EYA2: variants seen among roughly 807,000 people sequenced by gnomAD.
EYA2 encodes EYA transcriptional coactivator and phosphatase 2.
A neutral mutation model predicts 69.2 loss-of-function variants in EYA2; 31 were observed. The ratio of observed to expected loss-of-function variants is 0.45; its 90% CI spans 0.34 to 0.60. The LOEUF (loss-of-function observed/expected upper bound fraction) is 0.60, where lower values mean the gene tolerates loss of function less well. Ranked by LOEUF, EYA2 falls within the 20% of genes least tolerant of loss-of-function variation. The pLI is 0.02. For synonymous variants in EYA2, 257 were observed against 279.4 expected (o/e 0.92, Z 0.80); for missense variants, 622 against 701.2 (o/e 0.89, Z 1.28).
At chr20:47,039,835 CTT>C (rs10689930) in intron 5 of EYA2, among the ~76,000 whole-genome samples, 46 of 69,804 alleles carry the variant, frequency 6.6e-4, no homozygotes, top group East Asian at 2.2e-3. Context: ...AGATCAAATA[CTT>C]TTTTTTTTTT....
chr20:47,001,499 C>T, intron 3 of EYA2, 26 bp downstream of exon 3: 2 of 1,611,648 alleles, frequency 1.2e-6, no homozygotes, highest in Non-Finnish European at 1.7e-6. Context: ...TTGTCTCCTG[C>T]TCACATGCCC....
chr20:47,081,211 A>ATGTGGGAAT (rs1491458652), intron 7 of EYA2, among the ~76,000 whole-genome samples: 2 of 152,176 alleles, frequency 1.3e-5, no homozygotes, highest in African/African-American at 4.8e-5. Flanking sequence ...CTCTCATGAC[A>ATGTGGGAAT]TGTGGGAATT....
chr20:46,973,272 C>T (rs886553804), intron 1 of EYA2, among the ~76,000 whole-genome samples: 5 of 152,178 alleles, frequency 3.3e-5, no homozygotes, highest in South Asian at 2.1e-4. Flanking sequence ...AAATACAGAA[C>T]GTGAGATATT....
intron 10 of EYA2, among the ~76,000 whole-genome samples, chr20:47,153,953 C>G (rs1330395063): frequency 6.6e-6 from 1 of 151,992 alleles, no homozygotes; most frequent in African/African-American, 2.4e-5. Context: ...CACTACATAC[C>G]AGGCACTGTT....
intron 9 of EYA2, among the ~76,000 whole-genome samples, chr20:47,097,508 GGTAAA>G (rs1165575247): frequency 1.3e-5 from 2 of 152,298 alleles, no homozygotes; most frequent in African/African-American, 4.8e-5. Flanking sequence ...TAGAAAACGA[GGTAAA>G]GTACTTTTCT....
rs113122372 is a variant in EYA2 at position 46,952,634 on chromosome 20, G to A, written c.-10-37367G>A. On this transcript the variant is annotated intron_variant, in intron 1 of 15. Coordinates refer to ENST00000327619, the MANE Select transcript of EYA2 (RefSeq NM_005244.5). ...AGAGCTCCTGTTTGGTCCAGAGGCC[G>A]CACACAATGGAAAAGTAAAGCCTGG... 2.9e-3 allele frequency among the ~76,000 whole-genome samples: 435 copies of A among 152,236 alleles called. 1 individual carries two copies. Among genetic ancestry groups the A allele is most frequent in the Non-Finnish European group, 4.5e-3 (307 of 68,008 alleles).
chr20:47,126,463 G>A (rs146335175), intron 9 of EYA2, among the ~76,000 whole-genome samples: 233 of 152,272 alleles, frequency 1.5e-3, no homozygotes, highest in Admixed American at 5.4e-3. Flanking sequence ...AGGGCAGAGC[G>A]CAGATTGCAG....
At chr20:47,169,063 G>GCCAA in intron 10 of EYA2, 76 bp from the exon 11 acceptor site, 1 of 1,422,216 alleles carries the variant, frequency 7.0e-7, no homozygotes. Context: ...AGCTTATGAG[G>GCCAA]CCAACCCTTG....
intron 1 of EYA2, among the ~76,000 whole-genome samples, chr20:46,949,526 G>C (rs975008917): frequency 1.1e-4 from 16 of 152,208 alleles, no homozygotes; most frequent in East Asian, 1.9e-4. Flanking sequence ...GCTGGATCAG[G>C]GTTGCTGATG....
intron 1 of EYA2, among the ~76,000 whole-genome samples, chr20:46,903,576 T>A (rs1425625438): frequency 1.3e-5 from 2 of 152,194 alleles, no homozygotes; most frequent in African/African-American, 4.8e-5. Flanking sequence ...CCCTCAGTGT[T>A]AACCTACTCC....
chr20:46,999,990 G>A (rs1280975582), intron 2 of EYA2, among the ~76,000 whole-genome samples: 1 of 152,212 alleles, frequency 6.6e-6, no homozygotes, highest in Non-Finnish European at 1.5e-5. Flanking sequence ...GACAATGACT[G>A]TCATCGTCAG....
At chr20:47,030,117 C>T (rs1984321365) in intron 5 of EYA2, among the ~76,000 whole-genome samples, 1 of 152,202 alleles carries the variant, frequency 6.6e-6, no homozygotes, top group Admixed American at 6.5e-5. Context: ...TTGGATTTGG[C>T]TGAGCTCTGT....
intron 7 of EYA2, among the ~76,000 whole-genome samples, chr20:47,075,750 A>G (rs758724437): frequency 2.0e-5 from 3 of 151,976 alleles, no homozygotes; most frequent in Non-Finnish European, 2.9e-5. Context: ...GGTTTGTTAC[A>G]TGGGTAAATT....
In EYA2 at chr20:47,188,747, G is replaced by A. The variant is rs1024273638; in HGVS notation, c.*614G>A. On this transcript the variant is annotated 3_prime_UTR_variant, in exon 16 of 16. Transcript: ENST00000327619. Reference sequence around the variant, plus strand: ...CATGTGGACAGTGCACGTGCCTTACGCTACATCTTGTTTTCTAGGAAGAGG... The same window carrying A: ...CATGTGGACAGTGCACGTGCCTTACACTACATCTTGTTTTCTAGGAAGAGG... 3 of 166,162 alleles carry A rather than the reference G, an allele frequency of 1.8e-5. No individual in the cohort carries two copies. The highest frequency in any genetic ancestry group is 2.6e-5 in the Non-Finnish European group (2 of 77,342). 10.3% of individuals were successfully genotyped at this position (166,162 alleles called of 1,614,324 possible). A position where few individuals can be genotyped will look rare whatever the true frequency, so the allele number is the denominator to read the frequency against.
intron 1 of EYA2, among the ~76,000 whole-genome samples, chr20:46,976,624 ATCCACCCACCGTGGCC>A (rs1480204461): frequency 6.6e-6 from 1 of 152,178 alleles, no homozygotes; most frequent in East Asian, 1.9e-4. Flanking sequence ...TGACCTCGTG[ATCCACCCACCGTGGCC>A]TCCCAAAGTG....
At chr20:47,126,202 C>G (rs1174002324) in intron 9 of EYA2, among the ~76,000 whole-genome samples, 1 of 152,228 alleles carries the variant, frequency 6.6e-6, no homozygotes, top group Non-Finnish European at 1.5e-5. Context: ...AACGCCTCCC[C>G]CGACCTTCCC....
At chr20:47,175,153 A>G (rs1219100485) in intron 12 of EYA2, among the ~76,000 whole-genome samples, 1 of 152,360 alleles carries the variant, frequency 6.6e-6, no homozygotes, top group African/African-American at 2.4e-5. Flanking sequence ...AGCCAGCGGC[A>G]TGCCGGTCTC....
chr20:46,903,016 G>C (rs1984189818), intron 1 of EYA2, among the ~76,000 whole-genome samples: 1 of 152,174 alleles, frequency 6.6e-6, no homozygotes, highest in South Asian at 2.1e-4. Flanking sequence ...TTATTTATCA[G>C]GTGCCTCCAA....
At chr20:47,101,933 G>A (rs973477198) in intron 9 of EYA2, among the ~76,000 whole-genome samples, 4 of 152,192 alleles carry the variant, frequency 2.6e-5, no homozygotes, top group Non-Finnish European at 1.5e-5. Context: ...CCCCAGCACT[G>A]CAGCCATGTG....
Sources: gnomAD v4.1 joint callset for allele counts (sites outside exome capture counted in the v4.1 genomes callset) on GRCh38, gnomAD v4.1.1 for gene constraint, MANE v1.5 for transcripts, NCBI Gene and HGNC (gene_info 2026-07-23, HGNC 2026-07-21) for gene names.